Variants in DET1 observed in about 807,000 individuals in gnomAD.
The protein encoded by DET1 is DET1 partner of COP1 E3 ubiquitin ligase, also known as DET1 homolog.
DET1 carries 22 observed loss-of-function variants against 43.7 expected under a neutral mutation model. That is an observed-to-expected ratio of 0.50 (90% confidence interval 0.36 to 0.72). DET1 has a LOEUF of 0.72. DET1 is among the 30% of genes least tolerant of loss of function. The pLI is 0.00. For missense variants in DET1, 713 were observed against 713.3 expected, an observed-to-expected ratio of 1.00 and a Z score of 0.00; for synonymous variants, 315 against 266.2, an observed-to-expected ratio of 1.18 and a Z score of -1.79.
chr15:88,505,918 T>C (rs2056135092), intron 7 of DET1: 1 of 152,144 alleles, frequency 6.6e-6, no homozygotes, highest in African/African-American at 2.4e-5. Flanking sequence ...CAGCCTTAGG[T>C]ATGCATAGGT....
chr15:88,525,521 A>G (rs1411792468), intron 3 of DET1, among the ~76,000 whole-genome samples: 1 of 152,222 alleles, frequency 6.6e-6, no homozygotes, highest in East Asian at 1.9e-4. Context: ...AAATACCTAC[A>G]GAGCTCCTCC....
At chr15:88,510,879 T>A (rs1212380729), downstream of DET1, among the ~76,000 whole-genome samples, 1 of 149,950 alleles carries the variant, frequency 6.7e-6, no homozygotes, top group Non-Finnish European at 1.5e-5. Context: ...GTTCACGCCA[T>A]TCTCCTGCCT....
At position 88,504,952 on chromosome 15, in the gene DET1, C is replaced by T. The variant is rs1030966; in HGVS notation, c.*2066-965G>A. The T allele has an allele frequency of 0.69, 104,773 of 151,662 alleles. 36,377 individuals carry two copies. The highest frequency in any genetic ancestry group is 0.84 in the South Asian group (4,048 of 4,820). 9.4% of individuals were successfully genotyped at this position (151,662 alleles called of 1,614,324 possible). ...TATGCGTATAACAAATTTCTTTCTT[C>T]ATGACAGTCATTTCGCGTGTGCCTT... On this transcript the variant is annotated intron_variant and NMD_transcript_variant, in intron 7 of 8. Transcript: ENST00000557842. The surrounding 1 kb of genome is among the most constrained non-coding windows in gnomAD (Gnocchi z 4.7).
In DET1 at chr15:88,531,110, T is replaced by G; in HGVS notation, c.596A>C (p.His199Pro). Residue 199 changes from histidine to proline, a missense_variant, in exon 2 of 5, where the codon CAC (histidine) becomes CCC (proline). Transcript: ENST00000268148. The surrounding 1 kb of genome is among the most constrained non-coding windows in gnomAD (Gnocchi z 6.2). ...EDYSLHIIDL[H>P]TGRLCDTRTF... ...GCGTGTATCACATAAGCGGCCGGTG[T>G]GAAGGTCAATGATATGGAGGGAATA... The G allele has an allele frequency of 6.2e-7, 1 of 1,613,862 alleles. No homozygotes were observed. The highest frequency in any genetic ancestry group is 8.5e-7 in the Non-Finnish European group (1 of 1,179,870).
In DET1 at chr15:88,530,730, G is replaced by T; in HGVS notation, c.976C>A (p.Leu326Met). ...ATTTTCCACATTCGCAGCTGCCGCA[G>T]TTGGTCAAAATACTGGAAGAAGCGC... ...KRRFFQYFDQ[L>M]RQLRMWKMQL... is the part of the protein sequence containing the mutation. The change falls in exon 2 of 5, where the codon CTG (leucine) becomes ATG (methionine). Residue 326 changes from leucine to methionine, a missense_variant. Physicochemically the swap from Leu to Met is conservative, Grantham distance 15. Transcript: ENST00000268148. 6.2e-7 allele frequency: 1 copy of T among 1,613,998 alleles called. No individual in the cohort carries two copies. Among genetic ancestry groups the T allele is most frequent in the Non-Finnish European group, 8.5e-7 (1 of 1,179,884 alleles).
chr15:88,517,918 G>A (rs1181595475), intron 3 of DET1, among the ~76,000 whole-genome samples: 1 of 152,008 alleles, frequency 6.6e-6, no homozygotes, highest in African/African-American at 2.4e-5. Context: ...TCTCATCACT[G>A]TCACAAATGC....
At chr15:88,533,851 C>CT (rs2056879748) in intron 1 of DET1, among the ~76,000 whole-genome samples, 2 of 17,066 alleles carry the variant, frequency 1.2e-4, no homozygotes, top group Non-Finnish European at 2.4e-4. Context: ...GACCCAATCT[C>CT]TAAAAAAAAA....
chr15:88,542,740 G>A lies in DET1; in HGVS notation c.-11+3800C>T, dbSNP rs140508167. Among the ~76,000 whole-genome samples, 513 of 152,294 alleles carry A rather than the reference G, an allele frequency of 3.4e-3. 2 individuals carry two copies. The highest frequency in any genetic ancestry group is 0.012 in the African/African-American group (496 of 41,568). On this transcript the variant is annotated intron_variant, in intron 1 of 4. Coordinates refer to ENST00000268148, the MANE Select transcript of DET1 (RefSeq NM_001144074.3). The stretch of plus-strand genomic sequence containing the variant: ...ATCTTACTAATGGCTATCCAAGAGG[G>A]CAGAAAGGAAAGGCCCCCATTCCAG...
At chr15:88,535,729 C>G (rs566872564) in intron 1 of DET1, among the ~76,000 whole-genome samples, 1 of 151,226 alleles carries the variant, frequency 6.6e-6, no homozygotes, top group Admixed American at 6.6e-5. Flanking sequence ...GCACTCCAGC[C>G]TGGGCAATGC....
downstream of DET1, among the ~76,000 whole-genome samples, chr15:88,507,760 T>A (rs2056156813): frequency 6.6e-6 from 1 of 152,198 alleles, no homozygotes; most frequent in Middle Eastern, 3.2e-3. Context: ...ATGAAGCTGA[T>A]TTTCTGGATG....
intron 3 of DET1, among the ~76,000 whole-genome samples, chr15:88,525,752 C>T (rs1490521081): frequency 6.6e-6 from 1 of 152,012 alleles, no homozygotes; most frequent in African/African-American, 2.4e-5. Context: ...ACCTTTGCCT[C>T]CCAGGCTCAA....
rs562518229 is a variant in DET1, at chr15:88,520,420, T to C, written c.1272-3447A>G. Among the ~76,000 whole-genome samples, 4 of 152,364 alleles carry C rather than the reference T, an allele frequency of 2.6e-5. No individual in the cohort carries two copies. The South Asian group carries it at 8.3e-4, about 32-fold the overall frequency. ...AGGTCACCAATGACCTGCACATTGC[T>C]AACTCCAATAAGTTAATTTTCAGTC... On this transcript the variant is annotated intron_variant, in intron 3 of 4. Transcript: ENST00000268148.
chr15:88,534,236 C>T (rs529222045), intron 1 of DET1, among the ~76,000 whole-genome samples: 7 of 152,242 alleles, frequency 4.6e-5, no homozygotes, highest in East Asian at 1.9e-4. Context: ...TAAAAGTCAA[C>T]GGCATTTAGT....
intron 3 of DET1, among the ~76,000 whole-genome samples, chr15:88,523,964 A>G (rs1259947856): frequency 1.4e-5 from 2 of 138,044 alleles, no homozygotes; most frequent in Admixed American, 7.4e-5. Context: ...GAGCGTCTCC[A>G]CCCGGCCGCC....
Position 88,527,635 on chromosome 15 carries a change from G to A in DET1, c.1235C>T (p.Ala412Val). The stretch of plus-strand genomic sequence containing the variant: ...CTGCCTTGCAAAATTGTTGCTAGAA[G>A]CTGAGCAGGGAAACTGAACTTCACT... Reference protein sequence around the residue: ...LHSEVQFPCSASSNNFARQIQ... With the variant: ...LHSEVQFPCSVSSNNFARQIQ... Residue 412 changes from alanine (A) to valine (V), a missense_variant, in exon 3 of 5, where the codon GCT (alanine) becomes GTT (valine). Coordinates refer to ENST00000268148, the MANE Select transcript of DET1 (RefSeq NM_001144074.3). The A allele has an allele frequency of 6.2e-7, 1 of 1,611,410 alleles. No homozygotes were observed. Among genetic ancestry groups the A allele is most frequent in the Non-Finnish European group, 8.5e-7 (1 of 1,178,524 alleles).
At chr15:88,502,291 C>G (rs972644648) in intron 8 of DET1, 1 of 152,208 alleles carries the variant, frequency 6.6e-6, no homozygotes, top group Non-Finnish European at 1.5e-5. Context: ...CATTCCGGTT[C>G]AGAATATTCC....
chr15:88,531,235 G>A lies in DET1; in HGVS notation c.471C>T (p.Gly157=). ...GCTCATCTGGGAGGTAGGCAGCTGA[G>A]CCCACGATGACACAGCGGCAGTCAT... ...FTDDCRCVIV[G]SAAYLPDEPH... The change falls in exon 2 of 5, where the codon GGC becomes GGT. Residue 157 remains glycine (G), a synonymous_variant. Coordinates refer to ENST00000268148, the MANE Select transcript of DET1 (RefSeq NM_001144074.3). The surrounding 1 kb of genome is among the most constrained non-coding windows in gnomAD (Gnocchi z 6.2). The A allele has an allele frequency of 3.1e-6, 5 of 1,613,930 alleles. No homozygotes were observed. The highest frequency in any genetic ancestry group is 4.2e-6 in the Non-Finnish European group (5 of 1,179,868).
intron 3 of DET1, among the ~76,000 whole-genome samples, chr15:88,526,698 A>G (rs1319138778): frequency 6.6e-6 from 1 of 152,212 alleles, no homozygotes; most frequent in African/African-American, 2.4e-5. Context: ...TGTTTTTAGC[A>G]TAACATGTCT....
intron 3 of DET1, among the ~76,000 whole-genome samples, chr15:88,520,305 A>G (rs1379626080): frequency 1.3e-5 from 2 of 152,116 alleles, no homozygotes; most frequent in African/African-American, 4.8e-5. Context: ...ACTCTTTTCC[A>G]TACTGTCCAA....
Sources: gnomAD v4.1 joint callset for allele counts (sites outside exome capture counted in the v4.1 genomes callset) on GRCh38, gnomAD v4.1.1 for gene constraint, Gnocchi (gnomAD v3.1) non-coding constraint, MANE v1.5 for transcripts, NCBI Gene and HGNC (gene_info 2026-07-23, HGNC 2026-07-21) for gene names.